PIGZ: variants seen among roughly 807,000 people sequenced by gnomAD.
PIGZ encodes phosphatidylinositol glycan anchor biosynthesis class Z (Gwada blood group), also known as GPI alpha-1,2-mannosyltransferase 4.
Under a neutral mutation model 16.4 loss-of-function variants are expected in PIGZ, and 16 were observed. The ratio of observed to expected loss-of-function variants is 0.97; its 90% confidence interval spans 0.66 to 1.48. The LOEUF is 1.48. Among genes scored for constraint, PIGZ ranks in the 40% most tolerant of loss-of-function variants. PIGZ has a pLI of 0.00. For missense variants in PIGZ, 770 were observed against 739.2 expected (o/e 1.04, Z -0.48); for synonymous variants, 409 against 338.4 (o/e 1.21, Z -2.29).
Position 196,947,020 on chromosome 3 carries a change from T to G in PIGZ, c.*137A>C. ...CAGAAGGCAGAACAGCTAACAGCCATGCCCAGGAGAGGCAGCAGTGGGAGT... is the reference window on the plus strand; with the variant it reads ...CAGAAGGCAGAACAGCTAACAGCCAGGCCCAGGAGAGGCAGCAGTGGGAGT... On this transcript the variant is annotated 3_prime_UTR_variant, in exon 3 of 3. Transcript: ENST00000412723. 1.4e-6 allele frequency: 1 copy of G among 709,736 alleles called. No individual in the cohort carries two copies. The highest frequency in any genetic ancestry group is 2.3e-6 in the Non-Finnish European group (1 of 442,928). 44.0% of individuals were successfully genotyped at this position (709,736 alleles called of 1,614,324 possible).
In PIGZ at chr3:196,947,890, G is replaced by T; in HGVS notation, c.1007C>A (p.Ala336Asp). Reference protein sequence around the residue: ...FGVLHAQALQAAWQRLQVGLQ... With the variant: ...FGVLHAQALQDAWQRLQVGLQ... Reference sequence around the variant, plus strand: ...GCCGACTTGCAGCCGTTGCCACGCAGCCTGCAGGGCCTGGGCATGCAGCAC... The same window carrying T: ...GCCGACTTGCAGCCGTTGCCACGCATCCTGCAGGGCCTGGGCATGCAGCAC... Residue 336 changes from alanine to aspartate, a missense_variant, in exon 3 of 3, where the codon GCT (alanine) becomes GAT (aspartate). Transcript: ENST00000412723. 1 of 1,613,984 alleles carries T rather than the reference G, an allele frequency of 6.2e-7. No individual in the cohort carries two copies.
chr3:196,957,659 C>T (rs894170011), intron 1 of PIGZ, among the ~76,000 whole-genome samples: 2 of 152,172 alleles, frequency 1.3e-5, no homozygotes, highest in African/African-American at 2.4e-5. Flanking sequence ...GGATTACAGG[C>T]GTGAGCCACT....
intron 1 of PIGZ, among the ~76,000 whole-genome samples, chr3:196,964,045 T>TA (rs1717826111): frequency 9.1e-6 from 1 of 110,054 alleles, no homozygotes; most frequent in African/African-American, 5.0e-5. Flanking sequence ...TATTTTTATT[T>TA]TTATTTATTT....
At chr3:196,967,605 A>G (rs572679370) in intron 1 of PIGZ, among the ~76,000 whole-genome samples, 13 of 152,288 alleles carry the variant, frequency 8.5e-5, no homozygotes, top group African/African-American at 2.9e-4. Flanking sequence ...GTACAAGGTG[A>G]GAGTGGCTCT....
chr3:196,948,834 C>T (rs1717071603), intron 2 of PIGZ, 149 bp from the exon 3 acceptor site: 2 of 431,230 alleles, frequency 4.6e-6, no homozygotes, highest in African/African-American at 2.1e-5. Context: ...TCCTCCCTTC[C>T]CTCCCTCTCT....
chr3:196,967,900 G>T (rs911984403), intron 1 of PIGZ, among the ~76,000 whole-genome samples: 2 of 152,230 alleles, frequency 1.3e-5, no homozygotes, highest in African/African-American at 4.8e-5. Flanking sequence ...GCAAAGTGGG[G>T]ACTCCGCTCT....
intron 2 of PIGZ, among the ~76,000 whole-genome samples, chr3:196,948,988 T>G (rs1251033054): frequency 2.0e-5 from 1 of 50,848 alleles, no homozygotes; most frequent in Non-Finnish European, 3.0e-5. Context: ...CTCCCTTCCC[T>G]TCCTTCCCTT....
rs190736966 is a variant in PIGZ, at chr3:196,962,658, A to G, written c.-1+6029T>C. On this transcript the variant is annotated intron_variant, in intron 1 of 2. Transcript: ENST00000412723. ...CATGCTGGTGGCAATACTGATCTTT[A>G]CTGCACGGCAATACTGATCTTTACT... is the stretch of plus-strand genomic sequence containing the variant. Among the ~76,000 whole-genome samples, 249 of 117,342 alleles carry G rather than the reference A, an allele frequency of 2.1e-3. 2 individuals are homozygous for G. The highest frequency in any genetic ancestry group is 3.2e-3 in the Non-Finnish European group (179 of 55,138). 77.0% of individuals were successfully genotyped at this position (117,342 alleles called of 152,430 possible).
At chr3:196,964,823 G>T (rs541787324) in intron 1 of PIGZ, among the ~76,000 whole-genome samples, 4 of 152,078 alleles carry the variant, frequency 2.6e-5, no homozygotes, top group Non-Finnish European at 5.9e-5. Context: ...TGCAACCTCT[G>T]CCTCCCAGGC....
chr3:196,948,997 TTTACTTCTCTTTCCC>T (rs1460175849), intron 2 of PIGZ, among the ~76,000 whole-genome samples: 3 of 32,300 alleles, frequency 9.3e-5, no homozygotes, highest in African/African-American at 4.7e-4. Context: ...CTTCCTTCCC[TTTACTTCTCTTTCCC>T]TCCCCTCCCT....
chr3:196,962,286 G>C (rs985532973), intron 1 of PIGZ, among the ~76,000 whole-genome samples: 1 of 152,156 alleles, frequency 6.6e-6, no homozygotes, highest in Non-Finnish European at 1.5e-5. Context: ...GCTTGGTAAA[G>C]GTCATCGCCA....
At chr3:196,959,776 C>T (rs138930112) in intron 1 of PIGZ, among the ~76,000 whole-genome samples, 9 of 152,280 alleles carry the variant, frequency 5.9e-5, no homozygotes, top group South Asian at 2.1e-4. Context: ...CCACTTCAGG[C>T]CCCCCACACT....
Position 196,947,752 on chromosome 3 carries a change from G to A in PIGZ, c.1145C>T (p.Ser382Phe). Residue 382 changes from serine (S) to phenylalanine (F), a missense_variant, in exon 3 of 3, where the codon TCT (serine) becomes TTT (phenylalanine). Coordinates refer to ENST00000412723, the MANE Select transcript of PIGZ (RefSeq NM_025163.4). The stretch of plus-strand genomic sequence containing the variant: ...CCGAGCCTCCTGGTGGCTAAAGGCA[G>A]ATAGCAGGGCCAGAGGCATGAAGTA... The part of the protein sequence containing the change: ...LLYFMPLALL[S>F]AFSHQEARFL... The A allele has an allele frequency of 6.2e-7, 1 of 1,612,548 alleles. No individual in the cohort carries two copies. Among genetic ancestry groups the A allele is most frequent in the Non-Finnish European group, 8.5e-7 (1 of 1,179,284 alleles).
At position 196,947,781 on chromosome 3, in the gene PIGZ, G is replaced by A. The variant is rs771858045; in HGVS notation, c.1116C>T (p.Leu372=). ...LLSSPRSYLL[L]LYFMPLALLS... is the part of the protein sequence containing the mutation. ...GCAGGGCCAGAGGCATGAAGTAGAG[G>A]AGAAGGAGATAGGACCTGGGGCTGG... is the stretch of plus-strand genomic sequence containing the variant. Residue 372 remains leucine (L), a synonymous_variant, in exon 3 of 3, where the codon CTC becomes CTT. Transcript: ENST00000412723. 2.5e-6 allele frequency: 4 copies of A among 1,609,260 alleles called. No homozygotes were observed.
At chr3:196,956,348 A>G (rs994689184) in intron 1 of PIGZ, among the ~76,000 whole-genome samples, 6 of 152,230 alleles carry the variant, frequency 3.9e-5, no homozygotes, top group Admixed American at 1.3e-4. Flanking sequence ...CACGTCTTAC[A>G]TGGCAGCAGG....
chr3:196,948,092 C>CTGTT lies in PIGZ; in HGVS notation c.804_805insAACA (p.Ala269AsnfsTer118). ...CTGTCCGTGGCCACAAACACCGCTG[C>CTGTT]TGTGAGGGCTGCCCCAGGGAGCAGC... On this transcript the variant is annotated frameshift_variant, in exon 3 of 3. Coordinates refer to ENST00000412723, the MANE Select transcript of PIGZ (RefSeq NM_025163.4). LOFTEE classifies it low-confidence loss of function (END_TRUNC). 1 of 1,590,942 alleles carries CTGTT rather than the reference C, an allele frequency of 6.3e-7. No homozygotes were observed. Among genetic ancestry groups the CTGTT allele is most frequent in the South Asian group, 1.1e-5 (1 of 88,030 alleles).
intron 1 of PIGZ, among the ~76,000 whole-genome samples, chr3:196,960,840 T>C (rs963969961): frequency 6.6e-6 from 1 of 152,116 alleles, no homozygotes; most frequent in Non-Finnish European, 1.5e-5. Context: ...AAAATAAAGA[T>C]ATTTTCAAGA....
In PIGZ at chr3:196,948,131, G is replaced by A. The variant is rs546709027; in HGVS notation, c.766C>T (p.Arg256Trp). 253 of 1,604,200 alleles carry A rather than the reference G, an allele frequency of 1.6e-4. 1 individual carries two copies. The highest frequency in any genetic ancestry group is 1.2e-3 in the South Asian group (105 of 89,998). The change falls in exon 3 of 3, where the codon CGG (arginine) becomes TGG (tryptophan). Residue 256 changes from arginine (R) to tryptophan (W), a missense_variant. Physicochemically the swap from Arg to Trp is moderately radical, Grantham distance 101. Coordinates refer to ENST00000412723, the MANE Select transcript of PIGZ (RefSeq NM_025163.4). ...ATNPGLKSLT[R>W]EALVLLPGAA... ...CCAGGGAGCAGCACCAGGGCCTCCCGGGTCAGAGACTTCAAACCAGGGTTT... is the reference window on the plus strand; with the variant it reads ...CCAGGGAGCAGCACCAGGGCCTCCCAGGTCAGAGACTTCAAACCAGGGTTT...
At position 196,948,014 on chromosome 3, in the gene PIGZ, T is replaced by C. The variant is rs569832119; in HGVS notation, c.883A>G (p.Asn295Asp). The change falls in exon 3 of 3, where the codon AAC becomes GAC. Residue 295 changes from asparagine (N) to aspartate (D), a missense_variant. Asn to Asp is a conservative substitution (Grantham distance 23). Transcript: ENST00000412723. ...GGATTCAGGTTGTAGTGCAAGAAGT[T>C]GACAGGTGTCAGGACAAGGTTCCTG... ...TSRNLVLTPV[N>D]FLHYNLNPQN... is the part of the protein sequence containing the mutation. The C allele has an allele frequency of 3.1e-6, 5 of 1,595,940 alleles. No homozygotes were observed. The highest frequency in any genetic ancestry group is 2.7e-5 in the African/African-American group (2 of 74,590).
Sources: allele counts gnomAD v4.1 joint callset (sites outside exome capture counted in the v4.1 genomes callset), GRCh38; gene constraint gnomAD v4.1.1; transcripts MANE v1.5; gene names NCBI Gene and HGNC (gene_info 2026-07-23, HGNC 2026-07-21).